The following CFAP20DC variants were observed in gnomAD, a reference collection of about 807,000 sequenced individuals.
CFAP20DC encodes protein CFAP20DC.
Under a neutral mutation model 101.7 loss-of-function variants are expected in CFAP20DC, and 84 were observed. The observed-to-expected ratio is 0.83, with a 90% CI of 0.69 to 0.99. CFAP20DC has a LOEUF of 0.99. Ranked by LOEUF, CFAP20DC falls within the 50% of genes least tolerant of loss-of-function variation. The probability of loss-of-function intolerance (pLI) is 0.00; values close to 1 mark genes in which losing one functional copy is unlikely to be tolerated. For missense variants in CFAP20DC, 1,007 were observed against 970.3 expected (o/e 1.04, Z -0.50); for synonymous variants, 359 against 351.2 (o/e 1.02, Z -0.25).
Position 58,836,731 on chromosome 3 carries a change from A to G in CFAP20DC, c.1972-4842T>C, listed in dbSNP as rs1246952699. 2.6e-5 allele frequency among the ~76,000 whole-genome samples: 4 copies of G among 152,104 alleles called. No homozygotes were observed. In the East Asian group the frequency reaches 7.7e-4, roughly 29 times the overall value. On this transcript the variant is annotated intron_variant, in intron 13 of 16. Coordinates refer to ENST00000482387, the MANE Select transcript of CFAP20DC (RefSeq NM_001394063.1). ...ATCATGTTGCAAAAACTTTCAATAC[A>G]AGGACTATCGAACAATCTCCACCTC... is the stretch of plus-strand genomic sequence containing the variant.
chr3:58,978,171 A>G (rs971236214), intron 4 of CFAP20DC, among the ~76,000 whole-genome samples: 62 of 152,010 alleles, frequency 4.1e-4, no homozygotes, highest in African/African-American at 1.5e-3. Context: ...CCTACCATTT[A>G]CCTTCCTTCC....
chr3:58,936,423 G>C (rs1285082143), intron 5 of CFAP20DC, among the ~76,000 whole-genome samples: 2 of 152,076 alleles, frequency 1.3e-5, no homozygotes, highest in Non-Finnish European at 2.9e-5. Context: ...CCCATTACTG[G>C]GTATATACCC....
At chr3:58,758,660 G>GAGA (rs2069199198) in intron 15 of CFAP20DC, among the ~76,000 whole-genome samples, 1 of 151,992 alleles carries the variant, frequency 6.6e-6, no homozygotes, top group Non-Finnish European at 1.5e-5. Context: ...TTAGCATTAG[G>GAGA]TATATCTCCT....
At chr3:59,016,476 T>A (rs2093692397) in intron 4 of CFAP20DC, among the ~76,000 whole-genome samples, 1 of 151,936 alleles carries the variant, frequency 6.6e-6, no homozygotes, top group Admixed American at 6.6e-5. Context: ...CACTGTAGGG[T>A]GAAGACAATT....
At chr3:58,716,322 C>T (rs186707811), downstream of CFAP20DC, among the ~76,000 whole-genome samples, 5,380 of 151,278 alleles carry the variant, frequency 0.036, 129 homozygotes, top group Middle Eastern at 0.068. Context: ...CCACCACGCC[C>T]GGCTAATTTT....
chr3:58,870,337 G>A, intron 7 of CFAP20DC, 28 bp from the exon 8 acceptor site: 1 of 1,603,952 alleles, frequency 6.2e-7, no homozygotes, highest in Non-Finnish European at 8.5e-7. Flanking sequence ...GGTAATAATA[G>A]TCCATTAATG....
At chr3:59,029,556 T>C (rs999535738) in intron 4 of CFAP20DC, among the ~76,000 whole-genome samples, 8 of 152,082 alleles carry the variant, frequency 5.3e-5, no homozygotes, top group South Asian at 4.2e-4. Context: ...AAGAAGCAGG[T>C]TGGCAGCCAA....
chr3:58,750,057 C>T (rs965064190), intron 16 of CFAP20DC, among the ~76,000 whole-genome samples: 8 of 152,172 alleles, frequency 5.3e-5, no homozygotes, highest in East Asian at 3.9e-4. Flanking sequence ...TCCTGCTGGC[C>T]GGCTGTGATG....
rs200238126 is a variant in CFAP20DC, at chr3:58,855,995, TAAAA to T, written c.1594-6590_1594-6587del. Among the ~76,000 whole-genome samples the T allele has an allele frequency of 3.4e-3, 455 of 135,360 alleles. 6 individuals carry two copies. The highest frequency in any genetic ancestry group is 0.012 in the African/African-American group (424 of 36,208). The allele number at this position is 135,360 out of a possible 152,430, so 88.8% of individuals were successfully genotyped here. On this transcript the variant is annotated intron_variant, in intron 12 of 16. Coordinates refer to ENST00000482387, the MANE Select transcript of CFAP20DC (RefSeq NM_001394063.1). ...AAACTTAAAGTATAATAAAAAAAAA[TAAAA>T]AAAAGAAAGAAAAAAAGGAATGACT... is the stretch of plus-strand genomic sequence containing the variant.
At chr3:58,817,626 A>C (rs1181652453) in intron 14 of CFAP20DC, among the ~76,000 whole-genome samples, 1 of 144,604 alleles carries the variant, frequency 6.9e-6, no homozygotes, top group Non-Finnish European at 1.5e-5. Context: ...GCCTCCAAGA[A>C]ATATGGGACT....
intron 14 of CFAP20DC, among the ~76,000 whole-genome samples, chr3:58,819,578 C>G (rs1236395788): frequency 6.7e-6 from 1 of 149,272 alleles, no homozygotes; most frequent in East Asian, 2.1e-4. Context: ...TACACTCTCC[C>G]AAGACTAAAC....
chr3:58,738,652 G>A (rs1055446672), downstream of CFAP20DC, among the ~76,000 whole-genome samples: 5 of 152,222 alleles, frequency 3.3e-5, no homozygotes, highest in Non-Finnish European at 7.3e-5. This position sits in a 1 kb window ranked among gnomAD's most constrained non-coding sequence, Gnocchi z 4.4. Flanking sequence ...ATGAACATAT[G>A]TGTGCAGGTA....
chr3:59,018,966 A>G (rs1560000546), intron 4 of CFAP20DC: 2 of 152,100 alleles, frequency 1.3e-5, no homozygotes, highest in Non-Finnish European at 2.9e-5. Flanking sequence ...ATACAGAAAA[A>G]CTGTAAAGGC....
intron 12 of CFAP20DC, among the ~76,000 whole-genome samples, chr3:58,856,623 C>G (rs1259582144): frequency 6.6e-6 from 1 of 152,046 alleles, no homozygotes; most frequent in Non-Finnish European, 1.5e-5. Flanking sequence ...TCAGAGCTAT[C>G]TGAAAAAATG....
rs551076209 is a variant in CFAP20DC, at chr3:59,041,721, C to T, written c.206-2092G>A. On this transcript the variant is annotated intron_variant, in intron 3 of 16. Coordinates refer to ENST00000482387, the MANE Select transcript of CFAP20DC (RefSeq NM_001394063.1). Reference sequence around the variant, plus strand: ...CAGAAACAAACTACCTACTTTTTTTCTCCCACTTCAACACACAAAACAGGA... The same window carrying T: ...CAGAAACAAACTACCTACTTTTTTTTTCCCACTTCAACACACAAAACAGGA... Among the ~76,000 whole-genome samples, 5 of 151,994 alleles carry T rather than the reference C, an allele frequency of 3.3e-5. No individual in the cohort carries two copies. The South Asian group carries it at 1.0e-3, about 31-fold the overall frequency.
rs1362684328 is a variant in CFAP20DC, at chr3:58,943,305, C to T, written c.279-5543G>A. On this transcript the variant is annotated intron_variant, in intron 4 of 16. Transcript: ENST00000482387. ...ACACCTCCCAGCAGGGGTCAATAGA[C>T]ACGTCATACAGGAGAGCTCTGCCTG... 2.6e-5 allele frequency among the ~76,000 whole-genome samples: 4 copies of T among 152,298 alleles called. No homozygotes were observed. The East Asian group carries it at 7.7e-4, about 29-fold the overall frequency.
chr3:58,848,638 G>T (rs898060669), intron 13 of CFAP20DC, among the ~76,000 whole-genome samples: 2 of 152,122 alleles, frequency 1.3e-5, no homozygotes, highest in Non-Finnish European at 2.9e-5. Flanking sequence ...TAGAATAATG[G>T]TGTTTTTATG....
chr3:58,992,818 C>T (rs2108636283), intron 4 of CFAP20DC, among the ~76,000 whole-genome samples: 1 of 151,968 alleles, frequency 6.6e-6, no homozygotes, highest in African/African-American at 2.4e-5. Context: ...AAATATCCAT[C>T]CAGAACTGGA....
intron 6 of CFAP20DC, among the ~76,000 whole-genome samples, chr3:58,901,536 G>T (rs2083146953): frequency 6.6e-6 from 1 of 152,228 alleles, no homozygotes; most frequent in Non-Finnish European, 1.5e-5. Flanking sequence ...TAATGTAAAT[G>T]AGGGGATAAG....
Sources: gnomAD v4.1 joint callset for allele counts (sites outside exome capture counted in the v4.1 genomes callset) on GRCh38, gnomAD v4.1.1 for gene constraint, Gnocchi (gnomAD v3.1) non-coding constraint, MANE v1.5 for transcripts, NCBI Gene and HGNC (gene_info 2026-07-23, HGNC 2026-07-21) for gene names.